Variants in SLC1A7 observed in about 807,000 individuals in gnomAD.
SLC1A7 encodes excitatory amino acid transporter 5.
A neutral mutation model predicts 47.7 loss-of-function variants in SLC1A7; 40 were observed. That is an observed-to-expected ratio of 0.84 (90% confidence interval 0.65 to 1.09). SLC1A7 has a LOEUF of 1.09. Ranked by LOEUF, SLC1A7 falls within the 50% of genes least tolerant of loss-of-function variation. The probability of loss-of-function intolerance (pLI) is 0.00; values close to 1 mark genes in which losing one functional copy is unlikely to be tolerated. For missense variants in SLC1A7, 746 were observed against 769.5 expected (o/e 0.97, Z 0.36); for synonymous variants, 323 against 325.6 (o/e 0.99, Z 0.09).
At chr1:53,140,408 C>T (rs11206109) in intron 1 of SLC1A7, among the ~76,000 whole-genome samples, 40,279 of 151,820 alleles carry the variant, frequency 0.27, 5,550 homozygotes, top group Admixed American at 0.36. Flanking sequence ...CAGTTTAATG[C>T]AGCAGATAGT....
chr1:53,120,242 G>A (rs1217096022), intron 2 of SLC1A7, among the ~76,000 whole-genome samples: 2 of 152,118 alleles, frequency 1.3e-5, no homozygotes, highest in African/African-American at 2.4e-5. Flanking sequence ...CCTGAGGTGG[G>A]ACTCCTGACC....
rs3737990 is a variant in SLC1A7 at position 53,142,461 on chromosome 1, C to A, written c.-12G>T. The A allele has an allele frequency of 0.097, 156,754 of 1,611,894 alleles. 8,196 individuals carry two copies. Among genetic ancestry groups the A allele is most frequent in the Middle Eastern group, 0.1 (631 of 6,058 alleles). On this transcript the variant is annotated 5_prime_UTR_variant, in exon 1 of 11. Transcript: ENST00000371494. ...GCATGCGGCACCATGGTGAGCCTGG[C>A]CTGCTGGCAAGGGGCACAGCACCAT...
rs147792478 is a variant in SLC1A7 at position 53,116,570 on chromosome 1, G to A, written c.216-1597C>T. ...ACATAAATCCTGAAGGGCTCATAAT[G>A]GGATTGTGCAGCCAGAGGAAATGGG... is the stretch of plus-strand genomic sequence containing the variant. On this transcript the variant is annotated intron_variant, in intron 2 of 10. Coordinates refer to ENST00000371494, the MANE Select transcript of SLC1A7 (RefSeq NM_006671.6). Among the ~76,000 whole-genome samples, 30 of 152,336 alleles carry A rather than the reference G, an allele frequency of 2.0e-4. No homozygotes were observed. The East Asian group carries it at 4.8e-3, about 24-fold the overall frequency.
intron 1 of SLC1A7, among the ~76,000 whole-genome samples, chr1:53,141,944 G>T (rs1049552665): frequency 6.6e-6 from 1 of 152,106 alleles, no homozygotes; most frequent in African/African-American, 2.4e-5. Context: ...CACGCTTCCT[G>T]GATCTCTTGT....
Position 53,087,779 on chromosome 1 carries a change from G to A in SLC1A7, c.*230C>T, listed in dbSNP as rs1644375502. The stretch of plus-strand genomic sequence containing the variant: ...CTCACACCGGGGAAACTGTCACAGC[G>A]GGGCCTCAGGCAATGCCGGGCCCAT... On this transcript the variant is annotated 3_prime_UTR_variant, in exon 11 of 11. Transcript: ENST00000371494. 8.3e-6 allele frequency: 3 copies of A among 363,496 alleles called. No homozygotes were observed. The highest frequency in any genetic ancestry group is 1.5e-5 in the Non-Finnish European group (3 of 202,990). 22.5% of individuals were successfully genotyped at this position (363,496 alleles called of 1,614,324 possible).
intron 7 of SLC1A7, among the ~76,000 whole-genome samples, chr1:53,091,186 C>T (rs1288043706): frequency 6.6e-6 from 1 of 152,224 alleles, no homozygotes; most frequent in Non-Finnish European, 1.5e-5. Context: ...GCATCTTTGT[C>T]CCAAAAAGAC....
chr1:53,113,966 G>A (rs942912702), intron 3 of SLC1A7, among the ~76,000 whole-genome samples: 8 of 152,050 alleles, frequency 5.3e-5, no homozygotes, highest in African/African-American at 1.9e-4. Context: ...GAAGGGCAGT[G>A]GCTTCCTGCT....
At position 53,088,906 on chromosome 1, in the gene SLC1A7, T is replaced by C; in HGVS notation, c.1435A>G (p.Lys479Glu). The change falls in exon 10 of 11, where the codon AAG becomes GAG. Residue 479 changes from lysine to glutamate, a missense_variant. Coordinates refer to ENST00000371494, the MANE Select transcript of SLC1A7 (RefSeq NM_006671.6). ...AAGIMAHICR[K>E]DFARDTGTEK... ...GTGCCTGTGTCCCGGGCAAAATCCT[T>C]CCGACATATATGGGCCATGATCCCC... The C allele has an allele frequency of 6.2e-7, 1 of 1,614,018 alleles. No individual in the cohort carries two copies. The highest frequency in any genetic ancestry group is 1.1e-5 in the South Asian group (1 of 91,068).
intron 3 of SLC1A7, among the ~76,000 whole-genome samples, chr1:53,106,783 A>G (rs1281394701): frequency 6.6e-6 from 1 of 152,172 alleles, no homozygotes; most frequent in Admixed American, 6.5e-5. Context: ...CAGCTGACCA[A>G]CGGTTTGGAA....
At chr1:53,125,773 G>A (rs975729754) in intron 2 of SLC1A7, among the ~76,000 whole-genome samples, 12 of 152,190 alleles carry the variant, frequency 7.9e-5, no homozygotes, top group African/African-American at 2.7e-4. Flanking sequence ...CGGGACCTGC[G>A]TTCCACAGGG....
At chr1:53,093,349 T>C in intron 6 of SLC1A7, 112 bp downstream of exon 6, 1 of 890,346 alleles carries the variant, frequency 1.1e-6, no homozygotes, top group Non-Finnish European at 1.7e-6. Context: ...GGCCCAGGGC[T>C]GAGCCTGGGC....
chr1:53,141,888 C>G (rs35058173), intron 1 of SLC1A7, among the ~76,000 whole-genome samples: 25,035 of 152,052 alleles, frequency 0.16, 2,227 homozygotes, highest in Middle Eastern at 0.32. Flanking sequence ...CTGGCCTCTG[C>G]GCTCCGGCCG....
chr1:53,092,437 A>G, intron 7 of SLC1A7, 117 bp downstream of exon 7: 1 of 747,506 alleles, frequency 1.3e-6, no homozygotes, highest in African/African-American at 1.7e-5. Flanking sequence ...CGCATTTGTG[A>G]GGTGGGCCAC....
chr1:53,137,300 G>A (rs910559283), intron 1 of SLC1A7, among the ~76,000 whole-genome samples: 39 of 41,934 alleles, frequency 9.3e-4, no homozygotes, highest in African/African-American at 1.5e-3. Flanking sequence ...AAAAAAAAAA[G>A]TGCTCTACTG....
chr1:53,130,751 C>T (rs994749483), intron 2 of SLC1A7, among the ~76,000 whole-genome samples: 2 of 152,126 alleles, frequency 1.3e-5, no homozygotes, highest in African/African-American at 2.4e-5. Context: ...TCAGGCCTGA[C>T]ATCTGAATTT....
In SLC1A7 at chr1:53,092,545, CG is replaced by C. The variant is rs764852998; in HGVS notation, c.1031+8del. On this transcript the variant is annotated splice_region_variant and intron_variant, in intron 7 of 10. Transcript: ENST00000371494. The stretch of plus-strand genomic sequence containing the variant: ...AGCTCCCCACCGTCCTGCCCGTCCC[CG>C]GGGCTACCTGGAGGAGGTGGCCAGC... 2 of 1,601,976 alleles carry C rather than the reference CG, an allele frequency of 1.2e-6. No individual in the cohort carries two copies. The highest frequency in any genetic ancestry group is 1.7e-5 in the Admixed American group (1 of 59,930).
intron 3 of SLC1A7, among the ~76,000 whole-genome samples, chr1:53,112,720 A>G (rs1307261371): frequency 1.3e-5 from 2 of 152,202 alleles, no homozygotes; most frequent in Admixed American, 1.3e-4. Flanking sequence ...TATGCTTCCC[A>G]TGGGCCAGAC....
intron 2 of SLC1A7, among the ~76,000 whole-genome samples, chr1:53,119,412 G>A (rs1483018004): frequency 6.6e-6 from 1 of 152,164 alleles, no homozygotes; most frequent in Admixed American, 6.5e-5. Context: ...TCAGTGGCAC[G>A]ATCATGGCTC....
chr1:53,116,256 C>T (rs1228401229), intron 2 of SLC1A7: 1 of 152,336 alleles, frequency 6.6e-6, no homozygotes, highest in Non-Finnish European at 1.5e-5. Flanking sequence ...TGAGCATCCC[C>T]TCTTGCAGGA....
Sources: gnomAD v4.1 joint callset for allele counts (sites outside exome capture counted in the v4.1 genomes callset) on GRCh38, gnomAD v4.1.1 for gene constraint, MANE v1.5 for transcripts, NCBI Gene and HGNC (gene_info 2026-07-23, HGNC 2026-07-21) for gene names.